The following ZNF217 variants were observed in gnomAD, a reference collection of about 807,000 sequenced individuals.
The protein encoded by ZNF217 is zinc finger protein 217.
In ZNF217, 12 loss-of-function variants were observed where a neutral mutation model predicts 73.3. That is an observed-to-expected ratio of 0.16 (90% confidence interval 0.10 to 0.27). The LOEUF (loss-of-function observed/expected upper bound fraction) is 0.27. ZNF217 is among the 10% of genes least tolerant of loss of function. The pLI, the probability that ZNF217 is intolerant of heterozygous loss-of-function variation, is 1.00. For missense variants in ZNF217, 1,195 were observed against 1,327.8 expected (o/e 0.90, Z 1.55); for synonymous variants, 588 against 516.4 (o/e 1.14, Z -1.88).
intron 1 of ZNF217, among the ~76,000 whole-genome samples, chr20:53,589,531 T>A (rs1988811033): frequency 6.6e-6 from 1 of 152,244 alleles, no homozygotes; most frequent in African/African-American, 2.4e-5. Context: ...CCCCTATTTA[T>A]CTGGAAGATA....
Position 53,582,698 on chromosome 20 carries a change from G to A in ZNF217, c.129C>T (p.Thr43=), listed in dbSNP as rs146282815. The change falls in exon 2 of 6, where the codon ACC becomes ACT. Residue 43 remains threonine, a synonymous_variant. Transcript: ENST00000371471. The surrounding 1 kb of genome is among the most constrained non-coding windows in gnomAD (Gnocchi z 4.8). The stretch of plus-strand genomic sequence containing the variant: ...GTGTAGCTCGGAATGGAACAACAGC[G>A]GTCCCTTTCATTGACAAGGCATCCT... ...EMEDALSMKG[T]AVVPFRATQE... 571 of 1,614,058 alleles carry A rather than the reference G, an allele frequency of 3.5e-4. 2 individuals carry two copies. The highest frequency in any genetic ancestry group is 1.1e-3 in the Admixed American group (69 of 60,022).
Position 53,579,064 on chromosome 20 carries a change from A to G in ZNF217, c.1367-614T>C, listed in dbSNP as rs546575578. Among the ~76,000 whole-genome samples, 3 of 152,354 alleles carry G rather than the reference A, an allele frequency of 2.0e-5. No homozygotes were observed. The South Asian group carries it at 6.2e-4, about 32-fold the overall frequency. On this transcript the variant is annotated intron_variant, in intron 2 of 5. Transcript: ENST00000371471. The stretch of plus-strand genomic sequence containing the variant: ...TGGAAAGCAGGCTGTATTGTCCACA[A>G]ACACTCATGTGGGCGAAAGAGATCT...
At chr20:53,597,659 C>G (rs1420394936), upstream of ZNF217, 3 of 151,464 alleles carry the variant, frequency 2.0e-5, no homozygotes, top group Non-Finnish European at 2.9e-5. Context: ...GGGTCTGGAA[C>G]CTGATAACTC....
chr20:53,571,010 G>C (rs931777388), intron 5 of ZNF217, among the ~76,000 whole-genome samples: 3 of 152,214 alleles, frequency 2.0e-5, no homozygotes, highest in African/African-American at 7.2e-5. Flanking sequence ...AGGCCACGTG[G>C]TCTGTCACAA....
chr20:53,576,823 A>G lies in ZNF217; in HGVS notation c.1941T>C (p.Val647=), dbSNP rs138465815. 3.7e-6 allele frequency: 6 copies of G among 1,614,062 alleles called. No homozygotes were observed. The African/African-American group carries it at 6.7e-5, about 18-fold the overall frequency. ...TGGTACTGCCATCCGGAGGAGGAGT[A>G]ACATCCGCCTTGGTTCTACAGATGA... ...NNLICRTKAD[V]TPPPDGSTTH... Residue 647 remains valine (V), a synonymous_variant, in exon 4 of 6, where the codon GTT becomes GTC. Coordinates refer to ENST00000371471, the MANE Select transcript of ZNF217 (RefSeq NM_006526.3).
At chr20:53,584,853 G>A (rs188265152) in intron 1 of ZNF217, among the ~76,000 whole-genome samples, 98 of 152,134 alleles carry the variant, frequency 6.4e-4, no homozygotes, top group Admixed American at 2.0e-3. Context: ...GAATGCTAGC[G>A]TCCCAGGCAA....
chr20:53,597,040 C>G (rs886927095), upstream of ZNF217, among the ~76,000 whole-genome samples: 5 of 148,830 alleles, frequency 3.4e-5, no homozygotes, highest in African/African-American at 1.2e-4. Context: ...GATTTTCTAT[C>G]CAGATCCTGC....
intron 1 of ZNF217, among the ~76,000 whole-genome samples, chr20:53,586,142 G>A (rs1392527640): frequency 1.3e-5 from 2 of 152,072 alleles, no homozygotes; most frequent in Non-Finnish European, 2.9e-5. Flanking sequence ...AACACCTCAG[G>A]ATGGAGACTG....
At chr20:53,597,373 C>A (rs925190738), upstream of ZNF217, among the ~76,000 whole-genome samples, 6 of 152,026 alleles carry the variant, frequency 3.9e-5, no homozygotes, top group Non-Finnish European at 8.8e-5. Flanking sequence ...AGGAAAAGAA[C>A]ATGAAAAAGT....
At chr20:53,569,486 G>A (rs997094822) in intron 5 of ZNF217, among the ~76,000 whole-genome samples, 22 of 152,152 alleles carry the variant, frequency 1.4e-4, no homozygotes, top group Admixed American at 7.2e-4. Flanking sequence ...AGGTTCAAGC[G>A]ATTCTCCTGC....
At position 53,582,952 on chromosome 20, in the gene ZNF217, A is replaced by G; in HGVS notation, c.-126T>C. 1 of 1,055,080 alleles carries G rather than the reference A, an allele frequency of 9.5e-7. No individual in the cohort carries two copies. The highest frequency in any genetic ancestry group is 1.4e-6 in the Non-Finnish European group (1 of 734,152). The allele number at this position is 1,055,080 out of a possible 1,614,324, so 65.4% of individuals were successfully genotyped here. ...AGCAAATATTTATTATAAAAGTTCA[A>G]AAGAAAGTGTATAGTCCTCTAACTT... is the stretch of plus-strand genomic sequence containing the variant. On this transcript the variant is annotated 5_prime_UTR_variant, in exon 2 of 6. Coordinates refer to ENST00000371471, the MANE Select transcript of ZNF217 (RefSeq NM_006526.3). The surrounding 1 kb of genome is among the most constrained non-coding windows in gnomAD (Gnocchi z 4.8).
intron 3 of ZNF217, 33 bp downstream of exon 3, chr20:53,578,301 T>G (rs1432893807): frequency 7.8e-6 from 11 of 1,406,872 alleles, no homozygotes; most frequent in Non-Finnish European, 1.1e-5. Flanking sequence ...ATAATTTAAC[T>G]AATGCATGGT....
At position 53,575,731 on chromosome 20, in the gene ZNF217, T is replaced by C; in HGVS notation, c.3033A>G (p.Leu1011=). 2 of 1,573,458 alleles carry C rather than the reference T, an allele frequency of 1.3e-6. No homozygotes were observed. Among genetic ancestry groups the C allele is most frequent in the Non-Finnish European group, 8.6e-7 (1 of 1,161,404 alleles). Residue 1011 remains leucine (L), a synonymous_variant, in exon 4 of 6, where the codon TTA becomes TTG. Transcript: ENST00000371471. ...PAGSPASSST[L]EGKRPVSYQH... ...ACGACGCCCCTCATGCAATACCTTCTAACGTCGAGCTGGATGCTGGACTAC... is the reference window on the plus strand; with the variant it reads ...ACGACGCCCCTCATGCAATACCTTCCAACGTCGAGCTGGATGCTGGACTAC...
chr20:53,582,596 T>A lies in ZNF217; in HGVS notation c.231A>T (p.Ser77=), dbSNP rs771296002. ...TTAAGACATGTTTATTAAGGTCTTC[T>A]GAATGTGTGAAGGTCTGGCTGCAGA... ...CMFCSQTFTH[S]EDLNKHVLMQ... Residue 77 remains serine (S), a synonymous_variant, in exon 2 of 6, where the codon TCA becomes TCT. Transcript: ENST00000371471. This position sits in a 1 kb window ranked among gnomAD's most constrained non-coding sequence, Gnocchi z 4.8. 6.2e-7 allele frequency: 1 copy of A among 1,614,220 alleles called. No individual in the cohort carries two copies. The highest frequency in any genetic ancestry group is 1.1e-5 in the South Asian group (1 of 91,092).
Position 53,578,443 on chromosome 20 carries a change from ATTT to A in ZNF217, c.1371_1373del (p.Lys457del), listed in dbSNP as rs781749067. Reference sequence around the variant, plus strand: ...GATGTTTTATTTTTCCTCCATCATCATTTTTATCTTAAAGGAAAAACAAAAATA... The same window carrying A: ...GATGTTTTATTTTTCCTCCATCATCATTATCTTAAAGGAAAAACAAAAATA... On this transcript the variant is annotated inframe_deletion, in exon 3 of 6. Coordinates refer to ENST00000371471, the MANE Select transcript of ZNF217 (RefSeq NM_006526.3). The A allele has an allele frequency of 1.9e-6, 3 of 1,561,108 alleles. No individual in the cohort carries two copies. The South Asian group carries it at 3.7e-5, about 19-fold the overall frequency.
At chr20:53,579,180 T>TTA (rs1386228419) in intron 2 of ZNF217, among the ~76,000 whole-genome samples, 1 of 152,098 alleles carries the variant, frequency 6.6e-6, no homozygotes, top group Non-Finnish European at 1.5e-5. Flanking sequence ...TCAGGAGAAG[T>TTA]TAGAGTCCAC....
Position 53,571,854 on chromosome 20 carries a change from C to A in ZNF217, c.3038-1G>T. On this transcript the variant is annotated splice_acceptor_variant, in intron 4 of 5. Transcript: ENST00000371471. LOFTEE classifies it high-confidence loss of function. ...TGTTGATATGACACAGGCCTTTTTC[C>A]TGATTGAAAAAAAAAACATATTTAG... 6.3e-7 allele frequency: 1 copy of A among 1,582,752 alleles called. No homozygotes were observed. Among genetic ancestry groups the A allele is most frequent in the African/African-American group, 1.4e-5 (1 of 72,266 alleles).
chr20:53,584,600 G>C (rs532519116), intron 1 of ZNF217, among the ~76,000 whole-genome samples: 31 of 152,200 alleles, frequency 2.0e-4, no homozygotes, highest in Non-Finnish European at 3.8e-4. Context: ...ACACTCCAGA[G>C]ACCCGAGTTC....
intron 3 of ZNF217, among the ~76,000 whole-genome samples, chr20:53,577,926 G>T (rs1364793413): frequency 6.6e-6 from 1 of 152,100 alleles, no homozygotes; most frequent in African/African-American, 2.4e-5. Flanking sequence ...AGCCTGGCCA[G>T]CATGGTGAAA....
Sources: gnomAD v4.1 joint callset for allele counts (sites outside exome capture counted in the v4.1 genomes callset) on GRCh38, gnomAD v4.1.1 for gene constraint, Gnocchi (gnomAD v3.1) non-coding constraint, MANE v1.5 for transcripts, NCBI Gene and HGNC (gene_info 2026-07-23, HGNC 2026-07-21) for gene names.